R3HDM2: variants seen among roughly 807,000 people sequenced by gnomAD.
The protein encoded by R3HDM2 is R3H domain containing 2, also known as R3H domain-containing protein 2.
R3HDM2 carries 38 observed loss-of-function variants against 124.5 expected under a neutral mutation model. The ratio of observed to expected loss-of-function variants is 0.31; its 90% confidence interval spans 0.24 to 0.40. The LOEUF is 0.40. Ranked by LOEUF, R3HDM2 falls within the 10% of genes least tolerant of loss-of-function variation. The pLI is 1.00. For missense variants in R3HDM2, 869 were observed against 1,236.9 expected (o/e 0.70, Z 4.46); for synonymous variants, 391 against 448.0 (o/e 0.87, Z 1.61).
intron 14 of R3HDM2, among the ~76,000 whole-genome samples, chr12:57,270,621 C>T (rs563455891): frequency 2.0e-5 from 3 of 151,880 alleles, no homozygotes; most frequent in South Asian, 2.1e-4. Flanking sequence ...TTAGTAGAGT[C>T]GGGGTTTCAC....
chr12:57,412,647 T>C (rs2069110249), intron 1 of R3HDM2, among the ~76,000 whole-genome samples: 1 of 152,130 alleles, frequency 6.6e-6, no homozygotes, highest in African/African-American at 2.4e-5. Context: ...GAGCAGAAGA[T>C]ATAAAGAGGG....
At chr12:57,332,767 C>A (rs974476275) in intron 2 of R3HDM2, among the ~76,000 whole-genome samples, 15 of 152,192 alleles carry the variant, frequency 9.9e-5, no homozygotes, top group African/African-American at 3.4e-4. Context: ...CAGTCAGATA[C>A]TGAACACACT....
At chr12:57,375,555 T>C (rs560803494) in intron 2 of R3HDM2, among the ~76,000 whole-genome samples, 1 of 152,324 alleles carries the variant, frequency 6.6e-6, no homozygotes, top group African/African-American at 2.4e-5. Flanking sequence ...CAGCGTTTTT[T>C]CAATTCTTAA....
At chr12:57,384,891 G>A (rs1432732984) in intron 2 of R3HDM2, among the ~76,000 whole-genome samples, 2 of 152,104 alleles carry the variant, frequency 1.3e-5, no homozygotes, top group Non-Finnish European at 2.9e-5. Flanking sequence ...GCTCACACGT[G>A]TAATGCCAGC....
At chr12:57,379,407 CCT>C (rs2064539201) in intron 2 of R3HDM2, among the ~76,000 whole-genome samples, 1 of 151,844 alleles carries the variant, frequency 6.6e-6, no homozygotes, top group East Asian at 1.9e-4. Context: ...ATGGAGAAAC[CCT>C]GTCTCTACTA....
At chr12:57,266,229 C>T (rs541691773) in intron 19 of R3HDM2, among the ~76,000 whole-genome samples, 124 of 151,062 alleles carry the variant, frequency 8.2e-4, no homozygotes, top group African/African-American at 2.8e-3. Context: ...CCTAAGTAGC[C>T]GGATGACAAG....
intron 2 of R3HDM2, among the ~76,000 whole-genome samples, chr12:57,394,334 G>A (rs556835297): frequency 4.6e-5 from 7 of 151,746 alleles, no homozygotes; most frequent in Non-Finnish European, 1.0e-4. Flanking sequence ...CAGCGGGCAC[G>A]GTGGTGGCTC....
intron 14 of R3HDM2, among the ~76,000 whole-genome samples, chr12:57,276,901 A>T (rs1467364648): frequency 6.6e-6 from 1 of 151,916 alleles, no homozygotes; most frequent in Non-Finnish European, 1.5e-5. Flanking sequence ...GAAAAAAAAA[A>T]AGAATGATAA....
intron 1 of R3HDM2, among the ~76,000 whole-genome samples, chr12:57,424,633 T>G (rs544634180): frequency 1.8e-4 from 27 of 152,250 alleles, no homozygotes; most frequent in African/African-American, 6.5e-4. Flanking sequence ...AAACCATAAA[T>G]TCTTACAATT....
intron 1 of R3HDM2, among the ~76,000 whole-genome samples, chr12:57,397,276 C>A (rs185485146): frequency 6.6e-6 from 1 of 152,182 alleles, no homozygotes; most frequent in Admixed American, 6.5e-5. Flanking sequence ...TATTACAAGA[C>A]CCTGAGGGCT....
chr12:57,341,034 C>A (rs1353615140), intron 2 of R3HDM2, among the ~76,000 whole-genome samples: 12 of 152,118 alleles, frequency 7.9e-5, no homozygotes, highest in Admixed American at 7.9e-4. Context: ...AGGAATTTTA[C>A]ATAACTACCT....
intron 2 of R3HDM2, among the ~76,000 whole-genome samples, chr12:57,344,030 C>T (rs2059858378): frequency 6.6e-6 from 1 of 152,148 alleles, no homozygotes; most frequent in Admixed American, 6.5e-5. Context: ...GCACAACAAT[C>T]ACCTAGATAC....
At chr12:57,376,728 T>C (rs2064114412) in intron 2 of R3HDM2, among the ~76,000 whole-genome samples, 1 of 152,060 alleles carries the variant, frequency 6.6e-6, no homozygotes, top group Non-Finnish European at 1.5e-5. Flanking sequence ...GGCAGGCGGA[T>C]CACCTGAGGT....
intron 2 of R3HDM2, among the ~76,000 whole-genome samples, chr12:57,355,311 T>G (rs959796273): frequency 4.6e-5 from 7 of 151,160 alleles, no homozygotes; most frequent in African/African-American, 1.7e-4. Context: ...CAAAAAAAAT[T>G]AGCCGGGCGT....
At chr12:57,269,211 T>A in intron 16 of R3HDM2, 112 bp downstream of exon 16, 4 of 1,547,318 alleles carry the variant, frequency 2.6e-6, no homozygotes, top group Non-Finnish European at 3.5e-6. Flanking sequence ...CTTAGGACCC[T>A]AATCATTCCT....
rs772341293 is a variant in R3HDM2, at chr12:57,268,403, T to G, written c.1930A>C (p.Met644Leu). 2.5e-6 allele frequency: 4 copies of G among 1,614,088 alleles called. No individual in the cohort carries two copies. The South Asian group carries it at 4.4e-5, about 18-fold the overall frequency. Residue 644 changes from methionine to leucine, a missense_variant, in exon 18 of 24, where the codon ATG becomes CTG. Met to Leu is a conservative substitution (Grantham distance 15). Coordinates refer to ENST00000402412, the MANE Select transcript of R3HDM2 (RefSeq NM_001394031.1). Reference sequence around the variant, plus strand: ...ACAGACTGGCTCACAGGGACCAGCATGGGTTGCTGGAAAGGCGGCTGGACC... The same window carrying G: ...ACAGACTGGCTCACAGGGACCAGCAGGGGTTGCTGGAAAGGCGGCTGGACC... ...NVVQPPFQQP[M>L]LVPVSQSVQG... is the part of the protein sequence containing the mutation.
chr12:57,304,530 C>T (rs986588887), intron 3 of R3HDM2: 2 of 982,838 alleles, frequency 2.0e-6, no homozygotes, highest in East Asian at 2.3e-4. Context: ...CACTAGTTAG[C>T]AAATAACACG....
chr12:57,346,729 A>C (rs766509151), intron 2 of R3HDM2, among the ~76,000 whole-genome samples: 2 of 152,236 alleles, frequency 1.3e-5, no homozygotes, highest in African/African-American at 2.4e-5. Flanking sequence ...AGAAAAACAT[A>C]AATGGTAAAT....
intron 2 of R3HDM2, among the ~76,000 whole-genome samples, chr12:57,386,991 A>C (rs923205191): frequency 3.3e-5 from 5 of 151,996 alleles, no homozygotes; most frequent in Admixed American, 1.3e-4. Context: ...AAATACACCA[A>C]TCAACACTCT....
Sources: gnomAD v4.1 joint callset for allele counts (sites outside exome capture counted in the v4.1 genomes callset) on GRCh38, gnomAD v4.1.1 for gene constraint, MANE v1.5 for transcripts, NCBI Gene and HGNC (gene_info 2026-07-23, HGNC 2026-07-21) for gene names.